Variants in YES1 observed in about 807,000 individuals in gnomAD.
YES1 encodes YES proto-oncogene 1, Src family tyrosine kinase, also known as tyrosine-protein kinase Yes.
A neutral mutation model predicts 70.4 loss-of-function variants in YES1; 39 were observed. The ratio of observed to expected loss-of-function variants is 0.55; its 90% CI spans 0.43 to 0.72. The LOEUF is 0.72. Ranked by LOEUF, YES1 falls within the 30% of genes least tolerant of loss-of-function variation. YES1 has a pLI of 0.00. For missense variants in YES1, 495 were observed against 644.8 expected (o/e 0.77, Z 2.52); for synonymous variants, 198 against 218.6 (o/e 0.91, Z 0.83).
intron 1 of YES1, among the ~76,000 whole-genome samples, chr18:767,796 G>A (rs1480497843): frequency 6.6e-6 from 1 of 152,132 alleles, no homozygotes; most frequent in Non-Finnish European, 1.5e-5. Flanking sequence ...CATCTCCTGG[G>A]TTCAAGTGAT....
chr18:804,925 A>AAAAAAAAAAAAAAC (rs1555692642), intron 1 of YES1, among the ~76,000 whole-genome samples: 2 of 150,806 alleles, frequency 1.3e-5, no homozygotes, highest in African/African-American at 4.9e-5. Flanking sequence ...AAAAAAAAAA[A>AAAAAAAAAAAAAAC]CACAAACCAA....
At chr18:793,043 G>T (rs1267452238) in intron 1 of YES1, among the ~76,000 whole-genome samples, 31 of 136,826 alleles carry the variant, frequency 2.3e-4, no homozygotes, top group Non-Finnish European at 3.3e-4. Context: ...ATTATTATTG[G>T]TTTTTTTTTT....
intron 1 of YES1, among the ~76,000 whole-genome samples, chr18:764,424 G>T (rs953437281): frequency 1.1e-4 from 16 of 152,214 alleles, no homozygotes; most frequent in African/African-American, 3.8e-4. Context: ...GTATCACCAT[G>T]TTTGTCAGGC....
In YES1 at chr18:724,580, C is replaced by T. The variant is rs370796909; in HGVS notation, c.1476G>A (p.Pro492=). 3.2e-5 allele frequency: 52 copies of T among 1,614,020 alleles called. No homozygotes were observed. The African/African-American group carries it at 4.4e-4, about 14-fold the overall frequency. The part of the protein sequence containing the change: ...LEQVERGYRM[P]CPQGCPESLH... ...GGGATTCTGGACAGCCCTGAGGGCA[C>T]GGCATCCTGTATCCTCGCTCCACTT... The change falls in exon 12 of 12, where the codon CCG becomes CCA. Residue 492 remains proline (P), a synonymous_variant. Coordinates refer to ENST00000314574, the MANE Select transcript of YES1 (RefSeq NM_005433.4).
chr18:811,010 A>G (rs1002304747), intron 1 of YES1, among the ~76,000 whole-genome samples: 1 of 152,236 alleles, frequency 6.6e-6, no homozygotes, highest in Non-Finnish European at 1.5e-5. Flanking sequence ...TCACGTGTAT[A>G]CATTTAGTAA....
rs566707951 is a variant in YES1 at position 753,715 on chromosome 18, A to G, written c.272-1911T>C. Among the ~76,000 whole-genome samples the G allele has an allele frequency of 3.9e-5, 6 of 152,228 alleles. No homozygotes were observed. The South Asian group carries it at 6.2e-4, about 16-fold the overall frequency. ...TGGCCAGGCTGGTCTCAAACTCCTGACCTCAAGTGATCTACCTGAGTCGGC... is the reference window on the plus strand; with the variant it reads ...TGGCCAGGCTGGTCTCAAACTCCTGGCCTCAAGTGATCTACCTGAGTCGGC... On this transcript the variant is annotated intron_variant, in intron 2 of 11. Transcript: ENST00000314574.
intron 1 of YES1, among the ~76,000 whole-genome samples, chr18:802,242 C>T (rs1415367611): frequency 1.3e-5 from 2 of 151,502 alleles, no homozygotes; most frequent in Non-Finnish European, 2.9e-5. Flanking sequence ...ACAGCAAGAC[C>T]ATCTCTCTTA....
chr18:743,460 T>C (rs1261233414), intron 6 of YES1, 45 bp from the exon 7 acceptor site: 12 of 1,502,038 alleles, frequency 8.0e-6, no homozygotes, highest in Non-Finnish European at 6.4e-6. Flanking sequence ...TTACAAAAAT[T>C]AAGGGGCATA....
chr18:806,143 T>C (rs773138033), intron 1 of YES1, among the ~76,000 whole-genome samples: 91 of 152,240 alleles, frequency 6.0e-4, no homozygotes, highest in Non-Finnish European at 1.2e-3. Flanking sequence ...GAACAAGTCA[T>C]AATTGTAATA....
intron 3 of YES1, among the ~76,000 whole-genome samples, chr18:750,135 A>G (rs2080327026): frequency 6.6e-6 from 1 of 152,240 alleles, no homozygotes. Context: ...TTTGCTCTCT[A>G]GAAAATGAAT....
At chr18:753,166 T>C (rs2080363545) in intron 2 of YES1, among the ~76,000 whole-genome samples, 1 of 152,146 alleles carries the variant, frequency 6.6e-6, no homozygotes, top group South Asian at 2.1e-4. Context: ...AAAAACTCCA[T>C]AATATATTAA....
chr18:795,600 T>C (rs1906496537), intron 1 of YES1, among the ~76,000 whole-genome samples: 1 of 152,080 alleles, frequency 6.6e-6, no homozygotes, highest in Non-Finnish European at 1.5e-5. Context: ...TTCATGTCCT[T>C]TGCAAGGACA....
chr18:731,425 G>A (rs779429158), intron 11 of YES1, among the ~76,000 whole-genome samples: 13 of 152,130 alleles, frequency 8.5e-5, no homozygotes, highest in Non-Finnish European at 1.8e-4. Flanking sequence ...GACAAAGTGG[G>A]TGATAAAATT....
At position 806,433 on chromosome 18, in the gene YES1, C is replaced by T. The variant is rs960839952; in HGVS notation, c.-9+5681G>A. Among the ~76,000 whole-genome samples the T allele has an allele frequency of 2.6e-5, 4 of 152,154 alleles. No individual in the cohort carries two copies. In the South Asian group the frequency reaches 8.3e-4, roughly 32 times the overall value. On this transcript the variant is annotated intron_variant, in intron 1 of 11. Transcript: ENST00000314574. ...GAGCAAAAATCTAAAGAATTAACTTCGAGCTATGAAAAAGTATTAAGCTAG... is the reference window on the plus strand; with the variant it reads ...GAGCAAAAATCTAAAGAATTAACTTTGAGCTATGAAAAAGTATTAAGCTAG...
At chr18:765,231 T>C (rs1598918049) in intron 1 of YES1, among the ~76,000 whole-genome samples, 1 of 119,096 alleles carries the variant, frequency 8.4e-6, no homozygotes, top group East Asian at 3.6e-4. Flanking sequence ...CTGGACAGGT[T>C]TGGGAAAGAG....
At chr18:772,934 A>G (rs1905221946) in intron 1 of YES1, among the ~76,000 whole-genome samples, 1 of 152,206 alleles carries the variant, frequency 6.6e-6, no homozygotes, top group Non-Finnish European at 1.5e-5. Flanking sequence ...AAGCAAAATA[A>G]TATAAACTGC....
intron 9 of YES1, among the ~76,000 whole-genome samples, chr18:737,907 A>C (rs1458325743): frequency 2.6e-5 from 4 of 152,120 alleles, no homozygotes; most frequent in African/African-American, 9.7e-5. Flanking sequence ...TTTTGTAGAG[A>C]TGGGGTTTCA....
intron 1 of YES1, among the ~76,000 whole-genome samples, chr18:774,067 G>C (rs375791817): frequency 8.5e-5 from 13 of 152,154 alleles, no homozygotes; most frequent in African/African-American, 3.1e-4. Context: ...TCCTGACCTT[G>C]TGATCCACCC....
At chr18:807,871 T>C (rs530959322) in intron 1 of YES1, among the ~76,000 whole-genome samples, 2 of 151,994 alleles carry the variant, frequency 1.3e-5, no homozygotes, top group South Asian at 4.2e-4. Flanking sequence ...TAAACAACAA[T>C]AAAAGAAGCA....
Sources: gnomAD v4.1 joint callset for allele counts (sites outside exome capture counted in the v4.1 genomes callset) on GRCh38, gnomAD v4.1.1 for gene constraint, MANE v1.5 for transcripts, NCBI Gene and HGNC (gene_info 2026-07-23, HGNC 2026-07-21) for gene names.